Variants in KLHL13 observed in about 807,000 individuals in gnomAD.
KLHL13 encodes kelch like family member 13, also known as kelch-like protein 13.
A neutral mutation model predicts 37.1 loss-of-function variants in KLHL13; 10 were observed. The ratio of observed to expected loss-of-function variants is 0.27; its 90% confidence interval spans 0.17 to 0.46. The LOEUF is 0.46. KLHL13 is among the 20% of genes least tolerant of loss of function. The pLI is 1.00. For missense variants in KLHL13, 360 were observed against 509.3 expected (o/e 0.71, Z 2.82); for synonymous variants, 163 against 181.2 (o/e 0.90, Z 0.81).
intron 1 of KLHL13, among the ~76,000 whole-genome samples, chrX:118,066,848 T>C: frequency 9.0e-6 from 1 of 111,689 alleles, no homozygotes; most frequent in East Asian, 2.8e-4. Flanking sequence ...CTCAAAGATA[T>C]ATGGAATAAC....
intron 1 of KLHL13, among the ~76,000 whole-genome samples, chrX:118,013,095 C>T (rs924816156): frequency 3.6e-5 from 4 of 111,817 alleles, no homozygotes; most frequent in Admixed American, 9.5e-5. Flanking sequence ...GTAGGTGCTG[C>T]GATTAAAGCA....
chrX:118,026,478 A>C (rs1436691143), intron 1 of KLHL13, among the ~76,000 whole-genome samples: 1 of 111,860 alleles, frequency 8.9e-6, no homozygotes, highest in Non-Finnish European at 1.9e-5. Context: ...GAATTCTGCT[A>C]AAACTGAAGC....
chrX:117,992,467 A>G, intron 1 of KLHL13, among the ~76,000 whole-genome samples: 1 of 111,167 alleles, frequency 9.0e-6, no homozygotes, highest in East Asian at 2.8e-4. Flanking sequence ...TTTGTAAATA[A>G]ATCTTTAGAA....
At chrX:117,996,503 A>C (rs1047974450) in intron 1 of KLHL13, among the ~76,000 whole-genome samples, 2 of 111,989 alleles carry the variant, frequency 1.8e-5, no homozygotes, top group Non-Finnish European at 3.8e-5. Flanking sequence ...TATGTTATAA[A>C]TACTTTGTAT....
At chrX:118,021,600 T>C (rs1475331862) in intron 1 of KLHL13, among the ~76,000 whole-genome samples, 1 of 110,854 alleles carries the variant, frequency 9.0e-6, no homozygotes, top group East Asian at 2.8e-4. Flanking sequence ...TAGTATTCCA[T>C]AGTGTATATG....
chrX:118,010,073 TA>T (rs1372527653), intron 1 of KLHL13, among the ~76,000 whole-genome samples: 1 of 107,378 alleles, frequency 9.3e-6, no homozygotes, highest in African/African-American at 3.4e-5. Context: ...TGGTAATCAT[TA>T]AAAAGTCAGG....
At chrX:117,998,776 G>A (rs138348088) in intron 1 of KLHL13, among the ~76,000 whole-genome samples, 7,003 of 110,634 alleles carry the variant, frequency 0.063, 537 homozygotes, top group African/African-American at 0.22. Flanking sequence ...ACTGACCACT[G>A]GGTAAAGAAG....
At chrX:117,943,753 C>T (rs763181967) in intron 2 of KLHL13, among the ~76,000 whole-genome samples, 14 of 109,412 alleles carry the variant, frequency 1.3e-4, no homozygotes, top group Middle Eastern at 4.7e-3. Context: ...TTCTTAGCTT[C>T]CTTGCATTGG....
At chrX:118,063,385 A>G (rs192381990) in intron 1 of KLHL13, among the ~76,000 whole-genome samples, 38 of 111,454 alleles carry the variant, frequency 3.4e-4, no homozygotes, top group African/African-American at 1.1e-3. Context: ...AAAGCTTACC[A>G]ATGAGAAAAA....
chrX:118,064,541 T>C (rs189308073), intron 1 of KLHL13, among the ~76,000 whole-genome samples: 8 of 112,285 alleles, frequency 7.1e-5, no homozygotes, highest in Non-Finnish European at 1.1e-4. Flanking sequence ...ATTAGGTAAC[T>C]GACATGACTC....
At chrX:117,898,938 A>T (rs1284663584) in exon 7 of KLHL13, 1 of 1,207,860 alleles carries the variant, frequency 8.3e-7, no homozygotes, top group Non-Finnish European at 1.1e-6. Context: ...ACTCTCTAGA[A>T]GGTGATGGTG....
chrX:117,985,985 A>T (rs1011548018), intron 1 of KLHL13, among the ~76,000 whole-genome samples: 2 of 111,348 alleles, frequency 1.8e-5, no homozygotes, highest in Admixed American at 9.6e-5. Context: ...ATGTAAAGTA[A>T]ATGATCAATG....
At chrX:117,989,050 C>T (rs2053758325) in intron 1 of KLHL13, among the ~76,000 whole-genome samples, 1 of 111,233 alleles carries the variant, frequency 9.0e-6, no homozygotes, top group South Asian at 3.8e-4. Flanking sequence ...AATGACATTT[C>T]AAAGACTAAA....
At chrX:118,110,299 C>T (rs1204778769) in intron 1 of KLHL13, among the ~76,000 whole-genome samples, 3 of 109,694 alleles carry the variant, frequency 2.7e-5, no homozygotes, top group African/African-American at 9.9e-5. Flanking sequence ...CCATGCAGGG[C>T]GCTGGGGCTA....
chrX:117,929,276 CACAA>C (rs1212870360), intron 2 of KLHL13, among the ~76,000 whole-genome samples: 4 of 111,731 alleles, frequency 3.6e-5, no homozygotes, highest in Non-Finnish European at 7.5e-5. Context: ...ACCAATACCC[CACAA>C]ACAAATCCAG....
intron 1 of KLHL13, among the ~76,000 whole-genome samples, chrX:118,007,049 A>G (rs1429950520): frequency 9.0e-6 from 1 of 111,205 alleles, no homozygotes; most frequent in Admixed American, 9.6e-5. Flanking sequence ...CAGGGAATCT[A>G]GAGAGAAAAG....
intron 1 of KLHL13, among the ~76,000 whole-genome samples, chrX:118,067,028 G>C (rs930805849): frequency 9.0e-6 from 1 of 111,497 alleles, no homozygotes; most frequent in African/African-American, 3.3e-5. Context: ...TAGGTACTCA[G>C]AAATGTGTCA....
At chrX:117,920,436 A>G in intron 2 of KLHL13, 66 bp from the exon 4 acceptor site, 1 of 1,087,940 alleles carries the variant, frequency 9.2e-7, no homozygotes, top group South Asian at 2.0e-5. Context: ...TTCGTGTGCT[A>G]AAATTGTTTG....
chrX:118,110,524 A>T (rs1298416387), intron 1 of KLHL13, among the ~76,000 whole-genome samples: 2 of 109,196 alleles, frequency 1.8e-5, no homozygotes, highest in Non-Finnish European at 3.8e-5. Context: ...GATTACAGGC[A>T]CATGTCACCA....
Sources: gnomAD v4.1 joint callset for allele counts (sites outside exome capture counted in the v4.1 genomes callset) on GRCh38, gnomAD v4.1.1 for gene constraint, MANE v1.5 for transcripts, NCBI Gene and HGNC (gene_info 2026-07-23, HGNC 2026-07-21) for gene names.